The following NBAS variants were observed in gnomAD, a reference collection of about 807,000 sequenced individuals.
NBAS encodes the protein NBAS subunit of NRZ tethering complex.
NBAS carries 219 observed loss-of-function variants against 302.5 expected under a neutral mutation model. That is an observed-to-expected ratio of 0.72 (90% CI 0.65 to 0.81). NBAS has a LOEUF of 0.81. Among genes scored for constraint, NBAS ranks in the 30% least tolerant of loss-of-function variants. The pLI, the probability that NBAS is intolerant of heterozygous loss-of-function variation, is 0.00. For synonymous variants in NBAS, 1,118 were observed against 1,021.6 expected (o/e 1.09, Z -1.80); for missense variants, 2,932 against 2,841.6 (o/e 1.03, Z -0.72).
intron 29 of NBAS, among the ~76,000 whole-genome samples, chr2:15,380,697 C>T (rs1048668651): frequency 3.3e-5 from 5 of 152,142 alleles, no homozygotes; most frequent in Non-Finnish European, 7.3e-5. Flanking sequence ...TCCTTTTAAA[C>T]GTACATTAAC....
At position 15,548,852 on chromosome 2, in the gene NBAS, G is replaced by A. The variant is rs911390253; in HGVS notation, c.379+2641C>T. On this transcript the variant is annotated intron_variant, in intron 6 of 51. Transcript: ENST00000281513. ...TTCCGAGAAAAGGAACCATCTGTAC[G>A]TGAAGGCATGAAGAACACAATGGGG... Among the ~76,000 whole-genome samples the A allele has an allele frequency of 2.0e-5, 3 of 152,014 alleles. No individual in the cohort carries two copies. The East Asian group carries it at 5.8e-4, about 29-fold the overall frequency.
the NBAS span, among the ~76,000 whole-genome samples, chr2:14,887,619 T>A: frequency 1.3e-5 from 2 of 152,016 alleles, no homozygotes; most frequent in African/African-American, 4.8e-5. Flanking sequence ...ACTTGATCAC[T>A]AAGTCTCATC....
chr2:15,410,356 G>A (rs928578503), intron 25 of NBAS, among the ~76,000 whole-genome samples: 13 of 152,026 alleles, frequency 8.6e-5, no homozygotes, highest in African/African-American at 2.9e-4. Context: ...TATTCTAACC[G>A]TTAGCAAGAA....
intron 9 of NBAS, among the ~76,000 whole-genome samples, chr2:15,531,912 CTG>C (rs2148676137): frequency 6.6e-6 from 1 of 152,278 alleles, no homozygotes; most frequent in South Asian, 2.1e-4. Flanking sequence ...TTCTCCATCT[CTG>C]ATTATTTTTT....
At chr2:15,439,465 T>A (rs1678224412) in intron 21 of NBAS, among the ~76,000 whole-genome samples, 2 of 151,596 alleles carry the variant, frequency 1.3e-5, no homozygotes, top group Non-Finnish European at 2.9e-5. Flanking sequence ...AGCTTCAGAA[T>A]ACTTTCAGGG....
At chr2:15,232,683 C>T (rs1254343279) in intron 46 of NBAS, among the ~76,000 whole-genome samples, 172 bp from the exon 47 acceptor site, 3 of 152,194 alleles carry the variant, frequency 2.0e-5, no homozygotes, top group Admixed American at 1.3e-4. Flanking sequence ...ACACTAGGTG[C>T]TAATGAAACA....
At chr2:14,938,084 C>T in the NBAS span, among the ~76,000 whole-genome samples, 11 of 151,796 alleles carry the variant, frequency 7.2e-5, no homozygotes, top group East Asian at 1.9e-4. Flanking sequence ...GCCAGGATCG[C>T]GCCACTGCAC....
At chr2:15,149,981 G>A in the NBAS span, among the ~76,000 whole-genome samples, 2 of 151,464 alleles carry the variant, frequency 1.3e-5, no homozygotes, top group African/African-American at 4.9e-5. Flanking sequence ...AGGCCAAGGT[G>A]GGAGCATTGC....
chr2:14,885,799 G>A, the NBAS span, among the ~76,000 whole-genome samples: 1 of 152,174 alleles, frequency 6.6e-6, no homozygotes, highest in Non-Finnish European at 1.5e-5. Context: ...ATCAGGTAAG[G>A]AGATGACAAT....
chr2:15,538,635 A>C (rs976197685), intron 7 of NBAS, among the ~76,000 whole-genome samples: 50 of 152,156 alleles, frequency 3.3e-4, no homozygotes, highest in Admixed American at 6.5e-4. Flanking sequence ...ATGAAGGAGG[A>C]TAGAAACTAA....
chr2:15,464,716 T>C (rs1028051833), intron 19 of NBAS, among the ~76,000 whole-genome samples: 2 of 152,224 alleles, frequency 1.3e-5, no homozygotes, highest in Admixed American at 6.5e-5. Flanking sequence ...CTTTTTGTTA[T>C]TTCCTAAACT....
chr2:15,186,969 G>A (rs563783809), intron 49 of NBAS, 89 bp from the exon 50 acceptor site: 479 of 1,547,782 alleles, frequency 3.1e-4, no homozygotes, highest in Non-Finnish European at 3.9e-4. Context: ...AAATGCTTAC[G>A]GTAAATTACA....
At chr2:14,933,246 T>C in the NBAS span, among the ~76,000 whole-genome samples, 1 of 152,212 alleles carries the variant, frequency 6.6e-6, no homozygotes, top group South Asian at 2.1e-4. Context: ...TTTCTTTTCC[T>C]AATCAATAGA....
At chr2:15,415,750 CA>C (rs754920538) in intron 24 of NBAS, 31 bp from the exon 25 acceptor site, 86 of 1,612,468 alleles carry the variant, frequency 5.3e-5, no homozygotes, top group Non-Finnish European at 6.3e-5. Flanking sequence ...AACAGACAAA[CA>C]AGAATGAAGT....
chr2:15,120,763 A>G, the NBAS span, among the ~76,000 whole-genome samples: 81 of 152,348 alleles, frequency 5.3e-4, no homozygotes, highest in African/African-American at 1.9e-3. Flanking sequence ...GGGCAGGAAT[A>G]TACATAAAAA....
At chr2:14,843,237 C>T in the NBAS span, among the ~76,000 whole-genome samples, 1 of 152,030 alleles carries the variant, frequency 6.6e-6, no homozygotes, top group African/African-American at 2.4e-5. Context: ...ATTTGAAAGC[C>T]TTTTCTCTAA....
In NBAS at chr2:15,351,987, C is replaced by T. The variant is rs1395229686; in HGVS notation, c.4179+5G>A. The T allele has an allele frequency of 6.2e-7, 1 of 1,602,362 alleles. No individual in the cohort carries two copies. Among genetic ancestry groups the T allele is most frequent in the Non-Finnish European group, 8.5e-7 (1 of 1,169,702 alleles). ...TTCAAACTCCGCTCCCTCATTTTAA[C>T]TTACCTCTTGTACTGCTTTACTAGT... On this transcript the variant is annotated splice_donor_5th_base_variant and intron_variant, in intron 35 of 51. Coordinates refer to ENST00000281513, the MANE Select transcript of NBAS (RefSeq NM_015909.4).
At chr2:14,799,852 G>A in the NBAS span, among the ~76,000 whole-genome samples, 3 of 152,058 alleles carry the variant, frequency 2.0e-5, no homozygotes, top group African/African-American at 7.2e-5. Context: ...ATTGTAGTTT[G>A]TCTGATAATA....
At chr2:14,796,162 T>C in the NBAS span, among the ~76,000 whole-genome samples, 1 of 152,202 alleles carries the variant, frequency 6.6e-6, no homozygotes, top group Non-Finnish European at 1.5e-5. Context: ...TGACCATATA[T>C]GTGGTGGGTC....
Sources: gnomAD v4.1 joint callset for allele counts (sites outside exome capture counted in the v4.1 genomes callset) on GRCh38, gnomAD v4.1.1 for gene constraint, MANE v1.5 for transcripts, NCBI Gene and HGNC (gene_info 2026-07-23, HGNC 2026-07-21) for gene names.